Variants in FOXP4 observed in about 807,000 individuals in gnomAD.
FOXP4 encodes the protein forkhead box P4.
FOXP4 carries 25 observed loss-of-function variants against 82.6 expected under a neutral mutation model. The observed-to-expected ratio is 0.30, with a 90% CI of 0.22 to 0.42. FOXP4 has a LOEUF of 0.42. Among genes scored for constraint, FOXP4 ranks in the 10% least tolerant of loss-of-function variants. The pLI, the probability that FOXP4 is intolerant of heterozygous loss-of-function variation, is 1.00. For missense variants in FOXP4, 785 were observed against 900.9 expected (o/e 0.87, Z 1.65); for synonymous variants, 415 against 388.2 (o/e 1.07, Z -0.81).
chr6:41,582,445 G>T (rs1581759188), intron 3 of FOXP4, among the ~76,000 whole-genome samples: 1 of 152,232 alleles, frequency 6.6e-6, no homozygotes, highest in Non-Finnish European at 1.5e-5. Flanking sequence ...GGGAAAGTGA[G>T]GCTTGGTGAT....
At position 41,597,770 on chromosome 6, in the gene FOXP4, T is replaced by C. The variant is rs750824934; in HGVS notation, c.1726-11T>C. ...GAGCCACTGACGAGGCCCAACCCTGTGCCCCTGCAGGCCGCCCTGGCCGAG... is the reference window on the plus strand; with the variant it reads ...GAGCCACTGACGAGGCCCAACCCTGCGCCCCTGCAGGCCGCCCTGGCCGAG... On this transcript the variant is annotated splice_polypyrimidine_tract_variant and intron_variant, in intron 15 of 16. Transcript: ENST00000307972. 7 of 1,604,154 alleles carry C rather than the reference T, an allele frequency of 4.4e-6. No homozygotes were observed. The African/African-American group carries it at 9.4e-5, about 21-fold the overall frequency.
Position 41,551,501 on chromosome 6 carries a change from G to A in FOXP4, c.-17+4634G>A, listed in dbSNP as rs558892631. Among the ~76,000 whole-genome samples, 3 of 152,316 alleles carry A rather than the reference G, an allele frequency of 2.0e-5. No homozygotes were observed. In the East Asian group the frequency reaches 5.8e-4, roughly 29 times the overall value. Reference sequence around the variant, plus strand: ...CCCACCTCCCTGGGCCCCATGCTCTGGCCAACTGGAGCCTCCACAGCCAGG... The same window carrying A: ...CCCACCTCCCTGGGCCCCATGCTCTAGCCAACTGGAGCCTCCACAGCCAGG... On this transcript the variant is annotated intron_variant, in intron 1 of 16. Transcript: ENST00000307972.
chr6:41,547,080 C>G (rs998127145), intron 1 of FOXP4, among the ~76,000 whole-genome samples: 2 of 151,776 alleles, frequency 1.3e-5, no homozygotes, highest in Admixed American at 6.6e-5. Context: ...GCACTGACCC[C>G]GCGCAGCCGC....
chr6:41,587,822 A>G lies in FOXP4; in HGVS notation c.902A>G (p.His301Arg). Reference sequence around the variant, plus strand: ...TCCCACGAGGAGACCCCCGGCTCCCACCCCCTGTACGGACACGGAGAGTGC... The same window carrying G: ...TCCCACGAGGAGACCCCCGGCTCCCGCCCCCTGTACGGACACGGAGAGTGC... ...SSSHEETPGSHPLYGHGECKW... is the reference protein window; with the variant it reads ...SSSHEETPGSRPLYGHGECKW... Residue 301 changes from histidine to arginine, a missense_variant, in exon 8 of 17, where the codon CAC becomes CGC. By Grantham distance (29) the His-to-Arg change is conservative. This residue lies in a region of FOXP4 where 570 missense variants were observed against 634.0 expected (regional missense o/e 0.90). Coordinates refer to ENST00000307972, the MANE Select transcript of FOXP4 (RefSeq NM_001012426.2). 6.4e-7 allele frequency: 1 copy of G among 1,568,596 alleles called. No individual in the cohort carries two copies. The highest frequency in any genetic ancestry group is 8.7e-7 in the Non-Finnish European group (1 of 1,155,316).
At chr6:41,598,719 G>GT (rs756349145) in intron 16 of FOXP4, 70 bp from the exon 17 acceptor site, 22 of 1,546,538 alleles carry the variant, frequency 1.4e-5, no homozygotes, top group Non-Finnish European at 1.9e-5. Flanking sequence ...TTCTGGGTGA[G>GT]TTTGGGGGGC....
At chr6:41,581,258 CAA>C (rs1385377236) in intron 3 of FOXP4, among the ~76,000 whole-genome samples, 1 of 152,262 alleles carries the variant, frequency 6.6e-6, no homozygotes, top group Non-Finnish European at 1.5e-5. Context: ...ACCCCATACT[CAA>C]GAGACAATTT....
intron 1 of FOXP4, among the ~76,000 whole-genome samples, chr6:41,561,196 T>G (rs1182012533): frequency 6.6e-6 from 1 of 152,140 alleles, no homozygotes; most frequent in African/African-American, 2.4e-5. Flanking sequence ...TGACATAGGC[T>G]CCGAGGTGCC....
intron 6 of FOXP4, 60 bp from the exon 7 acceptor site, chr6:41,587,239 G>T (rs1211546758): frequency 1.9e-6 from 3 of 1,608,672 alleles, no homozygotes; most frequent in Non-Finnish European, 2.5e-6. Context: ...CTGTTCTTGG[G>T]GCCAGGTAGA....
In FOXP4 at chr6:41,565,982, T is replaced by C. The variant is rs765507724; in HGVS notation, c.204+18T>C. 1 of 1,601,938 alleles carries C rather than the reference T, an allele frequency of 6.2e-7. No homozygotes were observed. Among genetic ancestry groups the C allele is most frequent in the Admixed American group, 1.7e-5 (1 of 59,680 alleles). Reference sequence around the variant, plus strand: ...AGCAACAGGTAGGAACTGGTGCGCCTTGGGGTATCTGGGAGCGGGAGAGGG... The same window carrying C: ...AGCAACAGGTAGGAACTGGTGCGCCCTGGGGTATCTGGGAGCGGGAGAGGG... On this transcript the variant is annotated intron_variant, in intron 2 of 16. Transcript: ENST00000307972.
At chr6:41,589,097 C>T (rs543030495) in intron 9 of FOXP4, among the ~76,000 whole-genome samples, 5 of 152,366 alleles carry the variant, frequency 3.3e-5, no homozygotes, top group African/African-American at 9.6e-5. Context: ...TACCATTATT[C>T]TCCCCATTTT....
chr6:41,590,626 C>T (rs746646100), intron 12 of FOXP4, among the ~76,000 whole-genome samples: 26 of 152,148 alleles, frequency 1.7e-4, no homozygotes, highest in Non-Finnish European at 3.1e-4. Context: ...GTACACAGCC[C>T]GCCATGATAG....
At chr6:41,572,059 C>T (rs948877030) in intron 2 of FOXP4, among the ~76,000 whole-genome samples, 3 of 152,186 alleles carry the variant, frequency 2.0e-5, no homozygotes, top group African/African-American at 7.2e-5. Flanking sequence ...AGCGATTTTT[C>T]AAGTGTATAA....
At chr6:41,547,298 C>G (rs1371016551) in intron 1 of FOXP4, among the ~76,000 whole-genome samples, 1 of 152,110 alleles carries the variant, frequency 6.6e-6, no homozygotes, top group South Asian at 2.1e-4. Context: ...GGGGGCGCGA[C>G]CCCCTCCCCG....
rs147099437 is a variant in FOXP4, at chr6:41,593,989, C to T, written c.1537-881C>T. 1.6e-3 allele frequency among the ~76,000 whole-genome samples: 249 copies of T among 152,146 alleles called. 1 individual carries two copies. Among genetic ancestry groups the T allele is most frequent in the Middle Eastern group, 0.01 (3 of 294 alleles). ...GGGATGGTGATAACTGGGAGCTGGC[C>T]GTGGGGGCAGCACAGCTGAGAGAGG... On this transcript the variant is annotated intron_variant, in intron 13 of 16. Coordinates refer to ENST00000307972, the MANE Select transcript of FOXP4 (RefSeq NM_001012426.2). The surrounding 1 kb of genome is among the most constrained non-coding windows in gnomAD (Gnocchi z 4.1).
At chr6:41,570,671 C>G (rs1286860596) in intron 2 of FOXP4, among the ~76,000 whole-genome samples, 2 of 152,114 alleles carry the variant, frequency 1.3e-5, no homozygotes. Context: ...TTCTGAAATC[C>G]CTCTTCTTCC....
Position 41,546,709 on chromosome 6 carries a change from C to G in FOXP4, c.-175C>G, listed in dbSNP as rs1262123752. On this transcript the variant is annotated 5_prime_UTR_variant, in exon 1 of 17. Coordinates refer to ENST00000307972, the MANE Select transcript of FOXP4 (RefSeq NM_001012426.2). Reference sequence around the variant, plus strand: ...GGGGTTGAGGCGCGCGGCGGTCGGCCCGGCGCGCTGGGAGGACGCCCGGGA... The same window carrying G: ...GGGGTTGAGGCGCGCGGCGGTCGGCGCGGCGCGCTGGGAGGACGCCCGGGA... 2 of 146,742 alleles carry G rather than the reference C, an allele frequency of 1.4e-5. No individual in the cohort carries two copies. Among genetic ancestry groups the G allele is most frequent in the Non-Finnish European group, 3.0e-5 (2 of 65,962 alleles). The allele number at this position is 146,742 out of a possible 1,614,324, so 9.1% of individuals were successfully genotyped here.
chr6:41,567,107 C>T (rs1268533913), intron 2 of FOXP4, among the ~76,000 whole-genome samples: 3 of 152,210 alleles, frequency 2.0e-5, no homozygotes, highest in Non-Finnish European at 4.4e-5. Context: ...TCAGCCAGCG[C>T]TAAAGCAGGA....
intron 2 of FOXP4, among the ~76,000 whole-genome samples, chr6:41,576,052 C>T (rs1051787785): frequency 6.6e-5 from 10 of 151,246 alleles, no homozygotes; most frequent in Non-Finnish European, 1.5e-5. Context: ...ACCCGCAACC[C>T]CCCCCCCCAC....
At chr6:41,597,530 G>A (rs1481213446) in intron 15 of FOXP4, among the ~76,000 whole-genome samples, 1 of 152,134 alleles carries the variant, frequency 6.6e-6, no homozygotes, top group East Asian at 1.9e-4. Flanking sequence ...CTGGGAGAGG[G>A]GATAAGCCAG....
Sources: allele counts gnomAD v4.1 joint callset (sites outside exome capture counted in the v4.1 genomes callset), GRCh38; gene constraint gnomAD v4.1.1; regional missense constraint gnomAD v4.1.1; non-coding constraint Gnocchi (gnomAD v3.1); transcripts MANE v1.5; gene names NCBI Gene and HGNC (gene_info 2026-07-23, HGNC 2026-07-21).